ANKRD22: variants seen among roughly 807,000 people sequenced by gnomAD.
ANKRD22 encodes ankyrin repeat domain-containing protein 22.
In ANKRD22, 24 loss-of-function variants were observed where a neutral mutation model predicts 25.7. The ratio of observed to expected loss-of-function variants is 0.93; its 90% confidence interval spans 0.68 to 1.31. ANKRD22 has a LOEUF of 1.31. ANKRD22 is among the 50% of genes most tolerant of loss of function. The probability of loss-of-function intolerance (pLI) is 0.00; values close to 1 mark genes in which losing one functional copy is unlikely to be tolerated. For missense variants in ANKRD22, 214 were observed against 227.1 expected (o/e 0.94, Z 0.37); for synonymous variants, 84 against 84.3 (o/e 1.00, Z 0.02).
At chr10:88,829,968 T>C (rs1452763688) in intron 2 of ANKRD22, among the ~76,000 whole-genome samples, 4 of 152,136 alleles carry the variant, frequency 2.6e-5, no homozygotes, top group Non-Finnish European at 5.9e-5. Flanking sequence ...TTATTTTGTG[T>C]AGAGATGCGG....
intron 1 of ANKRD22, among the ~76,000 whole-genome samples, chr10:88,846,145 T>C (rs1043348204): frequency 2.0e-5 from 3 of 151,852 alleles, no homozygotes; most frequent in African/African-American, 7.3e-5. Context: ...TGGTCAGACA[T>C]CTTTTTTTTT....
rs1016514631 is a variant in ANKRD22, at chr10:88,820,148, G to A, written c.*2793C>T. Reference sequence around the variant, plus strand: ...TACCCTTCACCACAACAGATGGCATGTTTATTATGTCTATTTGAAACATAA... The same window carrying A: ...TACCCTTCACCACAACAGATGGCATATTTATTATGTCTATTTGAAACATAA... On this transcript the variant is annotated 3_prime_UTR_variant, in exon 6 of 6. Coordinates refer to ENST00000371930, the MANE Select transcript of ANKRD22 (RefSeq NM_144590.3). 23 of 1,154,040 alleles carry A rather than the reference G, an allele frequency of 2.0e-5. No homozygotes were observed. The highest frequency in any genetic ancestry group is 4.4e-4 in the Middle Eastern group (2 of 4,496). The allele number at this position is 1,154,040 out of a possible 1,614,324, so 71.5% of individuals were successfully genotyped here.
rs1378565547 is a variant in ANKRD22 at position 88,820,961 on chromosome 10, C to T, written c.*1980G>A. Reference sequence around the variant, plus strand: ...CATAACACTACCTCAGGAAGCTGAGCTGCTTTAAGGACAACAACAACAAAA... The same window carrying T: ...CATAACACTACCTCAGGAAGCTGAGTTGCTTTAAGGACAACAACAACAAAA... On this transcript the variant is annotated 3_prime_UTR_variant, in exon 6 of 6. Transcript: ENST00000371930. 6.6e-6 allele frequency among the ~76,000 whole-genome samples: 1 copy of T among 152,146 alleles called. No homozygotes were observed. Among genetic ancestry groups the T allele is most frequent in the East Asian group, 1.9e-4 (1 of 5,192 alleles).
intron 1 of ANKRD22, among the ~76,000 whole-genome samples, chr10:88,832,747 C>T (rs145703282): frequency 1.3e-5 from 2 of 152,292 alleles, no homozygotes; most frequent in African/African-American, 4.8e-5. Flanking sequence ...AAGCATTATA[C>T]AGAGCTTCAC....
At chr10:88,828,869 G>C (rs897235574) in intron 2 of ANKRD22, among the ~76,000 whole-genome samples, 1 of 152,168 alleles carries the variant, frequency 6.6e-6, no homozygotes, top group South Asian at 2.1e-4. Flanking sequence ...GAAAAGCTAG[G>C]GAAGGGCTCC....
intron 1 of ANKRD22, among the ~76,000 whole-genome samples, chr10:88,845,662 A>C (rs1246590218): frequency 3.3e-5 from 5 of 152,128 alleles, no homozygotes; most frequent in Non-Finnish European, 7.4e-5. Flanking sequence ...CAAACCAGGA[A>C]ATCTTTTAGT....
chr10:88,823,054 A>G, intron 5 of ANKRD22, 36 bp from the exon 6 acceptor site: 2 of 1,588,674 alleles, frequency 1.3e-6, no homozygotes, highest in Non-Finnish European at 1.7e-6. Flanking sequence ...TTTCCAATAG[A>G]GTGCCCAAGA....
At chr10:88,825,902 A>G (rs552639462) in intron 4 of ANKRD22, 136 bp downstream of exon 4, 8 of 712,348 alleles carry the variant, frequency 1.1e-5, no homozygotes, top group East Asian at 8.9e-5. Flanking sequence ...TGTCAGTGGG[A>G]AAAAAAAGGA....
rs1418966632 is a variant in ANKRD22 at position 88,821,595 on chromosome 10, C to T, written c.*1346G>A. Reference sequence around the variant, plus strand: ...CAGTGAATCTTAATTTATTAAGACACGTTTAAAGACTTCAGAATCTATATC... The same window carrying T: ...CAGTGAATCTTAATTTATTAAGACATGTTTAAAGACTTCAGAATCTATATC... On this transcript the variant is annotated 3_prime_UTR_variant, in exon 6 of 6. Coordinates refer to ENST00000371930, the MANE Select transcript of ANKRD22 (RefSeq NM_144590.3). 1.3e-4 allele frequency among the ~76,000 whole-genome samples: 19 copies of T among 151,744 alleles called. 1 individual carries two copies. Among genetic ancestry groups the T allele is most frequent in the Admixed American group, 1.2e-3 (18 of 15,250 alleles).
chr10:88,837,486 T>C (rs1843964875), intron 1 of ANKRD22, among the ~76,000 whole-genome samples: 1 of 152,146 alleles, frequency 6.6e-6, no homozygotes, highest in Admixed American at 6.5e-5. Context: ...GTCTCCTACA[T>C]AGAAGGAAAA....
intron 2 of ANKRD22, 64 bp from the exon 3 acceptor site, chr10:88,828,730 C>G (rs1159154735): frequency 8.0e-7 from 1 of 1,253,118 alleles, no homozygotes; most frequent in Non-Finnish European, 1.1e-6. Context: ...ATTCAGATGG[C>G]CATCTCAAAA....
intron 1 of ANKRD22, among the ~76,000 whole-genome samples, chr10:88,847,328 A>G (rs1368714384): frequency 1.3e-5 from 2 of 152,026 alleles, no homozygotes; most frequent in African/African-American, 4.8e-5. Context: ...ATGTGATCTC[A>G]GCTCACTACA....
chr10:88,832,841 T>C (rs983425786), intron 1 of ANKRD22, among the ~76,000 whole-genome samples: 1 of 152,180 alleles, frequency 6.6e-6, no homozygotes, highest in African/African-American at 2.4e-5. Context: ...CTTTCTCGAC[T>C]TCTGTTCTTC....
At chr10:88,835,648 C>T (rs1843947013) in intron 1 of ANKRD22, among the ~76,000 whole-genome samples, 1 of 152,094 alleles carries the variant, frequency 6.6e-6, no homozygotes, top group African/African-American at 2.4e-5. Context: ...AAATGGTACA[C>T]CTGTATAGGG....
chr10:88,833,080 A>G (rs996579724), intron 1 of ANKRD22, among the ~76,000 whole-genome samples: 3 of 152,218 alleles, frequency 2.0e-5, no homozygotes, highest in African/African-American at 7.2e-5. Context: ...TTAATTATGT[A>G]CAATCATGTA....
At chr10:88,839,574 T>C (rs1843985633) in intron 1 of ANKRD22, among the ~76,000 whole-genome samples, 1 of 152,120 alleles carries the variant, frequency 6.6e-6, no homozygotes, top group South Asian at 2.1e-4. Flanking sequence ...CAGCAGGAAA[T>C]ATACAGAACC....
intron 4 of ANKRD22, among the ~76,000 whole-genome samples, chr10:88,825,590 A>G (rs11817978): frequency 0.03 from 4,611 of 152,328 alleles, 260 homozygotes; most frequent in African/African-American, 0.1. Flanking sequence ...AGTGCTTTAC[A>G]TGAACAAGCC....
intron 4 of ANKRD22, among the ~76,000 whole-genome samples, chr10:88,824,155 C>T (rs1349324950): frequency 6.6e-6 from 1 of 152,206 alleles, no homozygotes; most frequent in Non-Finnish European, 1.5e-5. Context: ...TGCAGTTCTA[C>T]AGAGACATTT....
At chr10:88,845,480 T>C (rs1178535443) in intron 1 of ANKRD22, among the ~76,000 whole-genome samples, 1 of 152,102 alleles carries the variant, frequency 6.6e-6, no homozygotes, top group Non-Finnish European at 1.5e-5. Flanking sequence ...CCCACCTAGA[T>C]GTCTCATGGA....
Sources: gnomAD v4.1 joint callset for allele counts (sites outside exome capture counted in the v4.1 genomes callset) on GRCh38, gnomAD v4.1.1 for gene constraint, MANE v1.5 for transcripts, NCBI Gene and HGNC (gene_info 2026-07-23, HGNC 2026-07-21) for gene names.